SRRM4: variants seen among roughly 807,000 people sequenced by gnomAD.
SRRM4 encodes serine/arginine repetitive matrix protein 4.
In SRRM4, 33 loss-of-function variants were observed where a neutral mutation model predicts 68.9. The observed-to-expected ratio is 0.48, with a 90% CI of 0.36 to 0.64. SRRM4 has a LOEUF of 0.64. SRRM4 is among the 30% of genes least tolerant of loss of function. SRRM4 has a pLI of 0.00. For synonymous variants in SRRM4, 318 were observed against 318.8 expected (o/e 1.00, Z 0.03); for missense variants, 817 against 827.1 (o/e 0.99, Z 0.15).
At chr12:118,996,435 C>G (rs1402725586) in intron 1 of SRRM4, among the ~76,000 whole-genome samples, 2 of 152,176 alleles carry the variant, frequency 1.3e-5, no homozygotes, top group African/African-American at 4.8e-5. Flanking sequence ...TTTCTCTATT[C>G]TCAAGTTGCT....
At chr12:119,012,334 C>T (rs1195208473) in intron 1 of SRRM4, among the ~76,000 whole-genome samples, 2 of 152,180 alleles carry the variant, frequency 1.3e-5, no homozygotes, top group South Asian at 2.1e-4. Context: ...ACTGGACTCA[C>T]CTGGGGGTCT....
chr12:119,059,739 G>A (rs1478942189), intron 1 of SRRM4, among the ~76,000 whole-genome samples: 1 of 152,180 alleles, frequency 6.6e-6, no homozygotes, highest in Admixed American at 6.5e-5. Flanking sequence ...CATATCTCAT[G>A]TCGCTGCTAC....
At chr12:119,143,003 T>C (rs1954375609) in intron 8 of SRRM4, among the ~76,000 whole-genome samples, 1 of 152,186 alleles carries the variant, frequency 6.6e-6, no homozygotes, top group African/African-American at 2.4e-5. Flanking sequence ...AGAGCAACCT[T>C]ATTTTGAGGT....
chr12:119,014,059 T>C (rs1953466326), intron 1 of SRRM4, among the ~76,000 whole-genome samples: 1 of 152,236 alleles, frequency 6.6e-6, no homozygotes, highest in African/African-American at 2.4e-5. Context: ...CTATCCATTC[T>C]GAGAGTTAGA....
intron 1 of SRRM4, among the ~76,000 whole-genome samples, chr12:119,019,679 G>A (rs1200561812): frequency 6.6e-6 from 1 of 152,050 alleles, no homozygotes; most frequent in Non-Finnish European, 1.5e-5. Flanking sequence ...ATCCTGCCAC[G>A]GGCTCCCTGG....
intron 9 of SRRM4, among the ~76,000 whole-genome samples, chr12:119,149,379 G>T (rs1954424632): frequency 1.3e-5 from 2 of 152,176 alleles, no homozygotes; most frequent in Admixed American, 1.3e-4. Flanking sequence ...GGCTTCAGAA[G>T]GTTGTTGGGA....
intron 1 of SRRM4, among the ~76,000 whole-genome samples, chr12:118,997,518 C>CTTTCTTCCTTTGTG (rs1385354287): frequency 1.3e-5 from 2 of 152,206 alleles, no homozygotes; most frequent in Admixed American, 6.5e-5. Flanking sequence ...CTGGAGAAAT[C>CTTTCTTCCTTTGTG]TTTCTTCCTT....
intron 1 of SRRM4, among the ~76,000 whole-genome samples, chr12:119,100,784 T>C (rs1484107673): frequency 6.6e-6 from 1 of 151,948 alleles, no homozygotes; most frequent in Admixed American, 6.6e-5. Context: ...TCCTCAGAGA[T>C]AAATGGGCAG....
At chr12:119,020,689 G>A (rs59060630) in intron 1 of SRRM4, among the ~76,000 whole-genome samples, 1 of 152,198 alleles carries the variant, frequency 6.6e-6, no homozygotes, top group African/African-American at 2.4e-5. Context: ...GACAGGCCCG[G>A]TGTGAAAGCG....
At chr12:119,149,644 G>C (rs911578165) in intron 9 of SRRM4, among the ~76,000 whole-genome samples, 1 of 152,186 alleles carries the variant, frequency 6.6e-6, no homozygotes, top group African/African-American at 2.4e-5. Flanking sequence ...TCATAAGTAG[G>C]AGTTGCCAGA....
intron 1 of SRRM4, among the ~76,000 whole-genome samples, chr12:118,987,334 AG>A (rs1302393748): frequency 6.6e-6 from 1 of 151,942 alleles, no homozygotes; most frequent in East Asian, 1.9e-4. Context: ...AGATGCAGAG[AG>A]GGGGGATGCT....
intron 2 of SRRM4, 105 bp from the exon 3 acceptor site, chr12:119,114,173 T>C: frequency 1.2e-6 from 1 of 867,712 alleles, no homozygotes; most frequent in Non-Finnish European, 1.9e-6. Context: ...TGGCTATAGG[T>C]CCTTGATCAT....
At chr12:118,992,468 C>T (rs1421979452) in intron 1 of SRRM4, among the ~76,000 whole-genome samples, 62 of 152,222 alleles carry the variant, frequency 4.1e-4, no homozygotes, top group Non-Finnish European at 3.1e-4. Flanking sequence ...AATCAGATTT[C>T]AGAACTTCCA....
At chr12:119,123,907 C>T (rs1288218141) in intron 6 of SRRM4, among the ~76,000 whole-genome samples, 2 of 152,076 alleles carry the variant, frequency 1.3e-5, no homozygotes, top group Non-Finnish European at 1.5e-5. Flanking sequence ...GAACAGCAGA[C>T]GAAACCCTGG....
rs1433438295 is a variant in SRRM4, at chr12:119,161,342, T to G, written c.*4544T>G. 3 of 152,240 alleles carry G rather than the reference T, an allele frequency of 2.0e-5. No individual in the cohort carries two copies. Among genetic ancestry groups the G allele is most frequent in the Non-Finnish European group, 4.4e-5 (3 of 68,042 alleles). 9.4% of individuals were successfully genotyped at this position (152,240 alleles called of 1,614,324 possible). The stretch of plus-strand genomic sequence containing the variant: ...CAGCCGAGTCCAGCTGAGAAACTTA[T>G]GCTAGATTCAATGTCATTGAGCAAT... On this transcript the variant is annotated 3_prime_UTR_variant, in exon 13 of 13. Transcript: ENST00000267260.
chr12:119,043,354 A>T (rs1319587289), intron 1 of SRRM4, among the ~76,000 whole-genome samples: 1 of 152,016 alleles, frequency 6.6e-6, no homozygotes, highest in African/African-American at 2.4e-5. Flanking sequence ...ACACCTGGAC[A>T]CAGGGAGGGG....
At chr12:119,004,741 G>C (rs1306494570) in intron 1 of SRRM4, among the ~76,000 whole-genome samples, 1 of 151,962 alleles carries the variant, frequency 6.6e-6, no homozygotes, top group African/African-American at 2.4e-5. Context: ...ACTCAGAAAA[G>C]AGGACAAGCA....
intron 1 of SRRM4, among the ~76,000 whole-genome samples, chr12:119,017,627 A>G (rs2136000165): frequency 6.6e-6 from 1 of 152,278 alleles, no homozygotes; most frequent in African/African-American, 2.4e-5. Context: ...GAAGACTAAT[A>G]TCTTGGGGAC....
chr12:119,008,671 C>A (rs932506258), intron 1 of SRRM4, among the ~76,000 whole-genome samples: 1 of 152,132 alleles, frequency 6.6e-6, no homozygotes, highest in African/African-American at 2.4e-5. Flanking sequence ...TTTTCCTCAC[C>A]TCCAGCTCCC....
Sources: allele counts gnomAD v4.1 joint callset (sites outside exome capture counted in the v4.1 genomes callset), GRCh38; gene constraint gnomAD v4.1.1; transcripts MANE v1.5; gene names NCBI Gene and HGNC (gene_info 2026-07-23, HGNC 2026-07-21).